ZNF469: variants seen among roughly 807,000 people sequenced by gnomAD.
The protein encoded by ZNF469 is zinc finger protein 469.
In ZNF469, 1 loss-of-function variant was observed where a neutral mutation model predicts 1.0. The ratio of observed to expected loss-of-function variants is 1.00; its 90% CI spans 0.35 to 4.73. ZNF469 has a LOEUF of 4.73. Among genes scored for constraint, ZNF469 ranks in the 30% most tolerant of loss-of-function variants. The pLI is 0.16. For synonymous variants in ZNF469, 2,703 were observed against 2,363.4 expected (o/e 1.14, Z -4.17); for missense variants, 6,100 against 5,356.3 (o/e 1.14, Z -4.33).
At chr16:88,377,451 A>G in the ZNF469 span, among the ~76,000 whole-genome samples, 1 of 152,096 alleles carries the variant, frequency 6.6e-6, no homozygotes. Flanking sequence ...CCTGTGCAGG[A>G]CGCCCTCGAG....
Position 88,425,537 on chromosome 16 carries a change from C to A in ZNF469, c.-127+666C>A, listed in dbSNP as rs1483983754. Among the ~76,000 whole-genome samples the A allele has an allele frequency of 3.3e-5, 5 of 152,344 alleles. No homozygotes were observed. The East Asian group carries it at 5.8e-4, about 18-fold the overall frequency. ...CCCTCCCAGGAGGACCTCGCCTACA[C>A]TGGCTGAGGCCTTGAGCGGGTTCCC... On this transcript the variant is annotated intron_variant, in intron 2 of 2. Coordinates refer to ENST00000565624, the MANE Select transcript of ZNF469 (RefSeq NM_001367624.2).
At chr16:88,133,658 GAAAT>G in the ZNF469 span, among the ~76,000 whole-genome samples, 2 of 151,000 alleles carry the variant, frequency 1.3e-5, no homozygotes, top group African/African-American at 4.9e-5. Context: ...ATAAAATAAT[GAAAT>G]AAATATAAAT....
the ZNF469 span, among the ~76,000 whole-genome samples, chr16:88,344,865 G>A: frequency 6.6e-6 from 1 of 152,224 alleles, no homozygotes; most frequent in Non-Finnish European, 1.5e-5. Context: ...GGTCCCGCGT[G>A]TCGAACCCGT....
chr16:88,133,522 GT>G, the ZNF469 span, among the ~76,000 whole-genome samples: 1 of 151,962 alleles, frequency 6.6e-6, no homozygotes, highest in African/African-American at 2.4e-5. Context: ...AATAATGTAT[GT>G]ATTAAATGTA....
chr16:88,256,860 T>C, the ZNF469 span, among the ~76,000 whole-genome samples: 1 of 149,576 alleles, frequency 6.7e-6, no homozygotes, highest in African/African-American at 2.5e-5. Context: ...TCCTTCCTTT[T>C]TCCTTCCTTT....
chr16:88,313,828 T>C, the ZNF469 span, among the ~76,000 whole-genome samples: 1 of 151,966 alleles, frequency 6.6e-6, no homozygotes, highest in Admixed American at 6.6e-5. Flanking sequence ...CAGGCAGTGC[T>C]GGTGTGGGCT....
At chr16:88,149,893 C>T in the ZNF469 span, among the ~76,000 whole-genome samples, 1 of 152,238 alleles carries the variant, frequency 6.6e-6, no homozygotes, top group African/African-American at 2.4e-5. Flanking sequence ...ACATGCCCCT[C>T]CTCTCCAGGT....
the ZNF469 span, among the ~76,000 whole-genome samples, chr16:88,252,571 T>C: frequency 2.5e-4 from 38 of 152,270 alleles, no homozygotes; most frequent in South Asian, 1.5e-3. Flanking sequence ...GGAGTTGTTA[T>C]CTGCGGGAAG....
In ZNF469 at chr16:88,432,364, G is replaced by C. The variant is rs1906259543; in HGVS notation, c.4894G>C (p.Glu1632Gln). 1 of 1,548,740 alleles carries C rather than the reference G, an allele frequency of 6.5e-7. No individual in the cohort carries two copies. Among genetic ancestry groups the C allele is most frequent in the African/African-American group, 1.4e-5 (1 of 73,058 alleles). The change falls in exon 3 of 3, where the codon GAA becomes CAA. Residue 1632 changes from glutamate (E) to glutamine (Q), a missense_variant. Transcript: ENST00000565624. Reference sequence around the variant, plus strand: ...GGCAGCTGACCTCACGCGCGTTGGAGAATCCACTGCACATCGGGAGGGTGC... The same window carrying C: ...GGCAGCTGACCTCACGCGCGTTGGACAATCCACTGCACATCGGGAGGGTGC... The part of the protein sequence containing the change: ...FSAADLTRVG[E>Q]STAHREGAES...
At chr16:88,122,360 AC>A in the ZNF469 span, among the ~76,000 whole-genome samples, 1 of 150,224 alleles carries the variant, frequency 6.7e-6, no homozygotes, top group Non-Finnish European at 1.5e-5. Flanking sequence ...ACACTCCATC[AC>A]CCACTATGGC....
At chr16:88,387,203 C>A (rs1361513493) in intron 1 of ZNF469, among the ~76,000 whole-genome samples, 1 of 152,224 alleles carries the variant, frequency 6.6e-6, no homozygotes, top group Non-Finnish European at 1.5e-5. Flanking sequence ...CCATTGCAAC[C>A]CCATCCTGCG....
chr16:88,254,108 T>G, the ZNF469 span, among the ~76,000 whole-genome samples: 3 of 152,212 alleles, frequency 2.0e-5, no homozygotes, highest in Non-Finnish European at 2.9e-5. Context: ...ACAAAGATAT[T>G]CTCTAGTGTT....
At chr16:88,359,560 T>G in the ZNF469 span, among the ~76,000 whole-genome samples, 1 of 152,268 alleles carries the variant, frequency 6.6e-6, no homozygotes, top group Non-Finnish European at 1.5e-5. Context: ...TCGTTGGCTA[T>G]CGGGATAGCC....
chr16:88,403,027 C>T (rs1212073565), intron 1 of ZNF469, among the ~76,000 whole-genome samples: 2 of 152,194 alleles, frequency 1.3e-5, no homozygotes, highest in African/African-American at 2.4e-5. Context: ...AGTGTGGACG[C>T]GTGGGAGACA....
the ZNF469 span, among the ~76,000 whole-genome samples, chr16:88,147,545 A>G: frequency 6.6e-6 from 1 of 151,846 alleles, no homozygotes; most frequent in South Asian, 2.1e-4. Context: ...CTGGGAGGAG[A>G]GGCCAGGCTG....
the ZNF469 span, among the ~76,000 whole-genome samples, chr16:88,338,570 A>C: frequency 6.6e-6 from 1 of 152,296 alleles, no homozygotes; most frequent in Non-Finnish European, 1.5e-5. Flanking sequence ...GTCACCAAGG[A>C]AGAAACACGG....
Position 88,438,187 on chromosome 16 carries a change from G to C in ZNF469, c.10717G>C (p.Gly3573Arg). 1 of 1,547,560 alleles carries C rather than the reference G, an allele frequency of 6.5e-7. No homozygotes were observed. The stretch of plus-strand genomic sequence containing the variant: ...TGGCAGAGGAGACTGCGCGCTGGAC[G>C]GAGCCCTGGAGAGGCCAGAGAACGA... ...ADGRGDCALD[G>R]ALERPENEAS... Residue 3573 changes from glycine (G) to arginine (R), a missense_variant, in exon 3 of 3, where the codon GGA becomes CGA. Transcript: ENST00000565624.
the ZNF469 span, among the ~76,000 whole-genome samples, chr16:88,113,174 A>G: frequency 6.6e-6 from 1 of 152,170 alleles, no homozygotes; most frequent in Non-Finnish European, 1.5e-5. Context: ...ATGTTTGCCC[A>G]GGTCAATGTC....
At chr16:88,277,041 A>G in the ZNF469 span, among the ~76,000 whole-genome samples, 1 of 151,208 alleles carries the variant, frequency 6.6e-6, no homozygotes, top group Non-Finnish European at 1.5e-5. Context: ...AGTACCATGT[A>G]TATATCATTA....
Sources: gnomAD v4.1 joint callset for allele counts (sites outside exome capture counted in the v4.1 genomes callset) on GRCh38, gnomAD v4.1.1 for gene constraint, MANE v1.5 for transcripts, NCBI Gene and HGNC (gene_info 2026-07-23, HGNC 2026-07-21) for gene names.